The following NREP variants were observed in gnomAD, a reference collection of about 807,000 sequenced individuals.
The protein encoded by NREP is neuronal regeneration related protein.
Under a neutral mutation model 8.6 loss-of-function variants are expected in NREP, and 5 were observed. The observed-to-expected ratio is 0.58, with a 90% CI of 0.30 to 1.22. The LOEUF is 1.22. Ranked by LOEUF, NREP falls within the 50% of genes most tolerant of loss-of-function variation. The probability of loss-of-function intolerance (pLI) is 0.07; values close to 1 mark genes in which losing one functional copy is unlikely to be tolerated. For missense variants in NREP, 86 were observed against 82.5 expected (o/e 1.04, Z -0.17); for synonymous variants, 27 against 28.0 (o/e 0.96, Z 0.11).
At chr5:111,950,902 A>C (rs1482747239) in intron 2 of NREP, among the ~76,000 whole-genome samples, 1 of 152,094 alleles carries the variant, frequency 6.6e-6, no homozygotes, top group Non-Finnish European at 1.5e-5. Context: ...CCATTTGTGC[A>C]TCCTCCATGA....
rs79363725 is a variant in NREP at position 111,926,628 on chromosome 5, T to C, written c.135+48646A>G. Among the ~76,000 whole-genome samples the C allele has an allele frequency of 4.3e-3, 654 of 152,140 alleles. 2 individuals are homozygous for C. The highest frequency in any genetic ancestry group is 0.015 in the African/African-American group (619 of 41,542). On this transcript the variant is annotated intron_variant, in intron 2 of 3. Transcript: ENST00000395634. ...TGTAAGCCACTTTTTCTTCAGAGTC[T>C]TGGGGTCAAAGGACTTCCAGTGCTT...
At chr5:111,922,388 T>C (rs1017158544) in intron 2 of NREP, among the ~76,000 whole-genome samples, 1 of 152,106 alleles carries the variant, frequency 6.6e-6, no homozygotes, top group African/African-American at 2.4e-5. Context: ...TTTTATTGAT[T>C]AATACTGTTA....
chr5:111,897,779 A>T (rs1754545783), intron 2 of NREP, among the ~76,000 whole-genome samples: 1 of 152,162 alleles, frequency 6.6e-6, no homozygotes, highest in Non-Finnish European at 1.5e-5. Context: ...TGTACTAACA[A>T]AATTTTTTTA....
At chr5:111,769,505 A>G (rs1751166786) in intron 2 of NREP, among the ~76,000 whole-genome samples, 1 of 152,220 alleles carries the variant, frequency 6.6e-6, no homozygotes, top group Admixed American at 6.5e-5. Flanking sequence ...TTGAGCTAGG[A>G]CCTGAATAAG....
intron 2 of NREP, among the ~76,000 whole-genome samples, chr5:111,929,781 G>A (rs1406947031): frequency 1.3e-5 from 2 of 152,242 alleles, no homozygotes; most frequent in Middle Eastern, 3.4e-3. Context: ...TCTGAATGGT[G>A]AGAAACTGAC....
intron 2 of NREP, among the ~76,000 whole-genome samples, chr5:111,802,640 A>G (rs1752040947): frequency 6.6e-6 from 1 of 152,248 alleles, no homozygotes; most frequent in African/African-American, 2.4e-5. Flanking sequence ...AGTGCATCCC[A>G]TTATCTGAAT....
intron 1 of NREP, 137 bp from the exon 2 acceptor site, chr5:111,755,967 C>T: frequency 6.9e-7 from 1 of 1,442,546 alleles, no homozygotes. Flanking sequence ...TTGTTAACTA[C>T]TGGGATTTCT....
At chr5:111,945,294 T>A (rs1049985451) in intron 2 of NREP, among the ~76,000 whole-genome samples, 20 of 152,068 alleles carry the variant, frequency 1.3e-4, no homozygotes, top group Non-Finnish European at 8.8e-5. Flanking sequence ...ACTTTTTTTT[T>A]ATTATACTTT....
intron 2 of NREP, among the ~76,000 whole-genome samples, chr5:111,763,429 T>C (rs1182916820): frequency 6.6e-6 from 1 of 152,124 alleles, no homozygotes; most frequent in Non-Finnish European, 1.5e-5. Flanking sequence ...CTTTTGAAAA[T>C]TATGGTGCTT....
At chr5:111,901,200 G>A (rs1754638282) in intron 2 of NREP, among the ~76,000 whole-genome samples, 1 of 152,030 alleles carries the variant, frequency 6.6e-6, no homozygotes, top group Admixed American at 6.6e-5. Context: ...CACATTTATT[G>A]GTTTGCACAT....
chr5:111,885,508 G>A (rs981398028), intron 2 of NREP, among the ~76,000 whole-genome samples: 2 of 152,136 alleles, frequency 1.3e-5, no homozygotes, highest in Non-Finnish European at 1.5e-5. Context: ...AAAAGAGCCT[G>A]CATCACCAAG....
intron 2 of NREP, among the ~76,000 whole-genome samples, chr5:111,860,231 C>A (rs1753515136): frequency 1.3e-5 from 2 of 152,036 alleles, no homozygotes; most frequent in African/African-American, 2.4e-5. Flanking sequence ...TCTGTCTCCA[C>A]AAATGATACC....
rs1160604224 is a variant in NREP, at chr5:111,743,576, C to T, written c.4-8069G>A. Among the ~76,000 whole-genome samples the T allele has an allele frequency of 2.0e-5, 3 of 152,058 alleles. No individual in the cohort carries two copies. In the East Asian group the frequency reaches 5.8e-4, roughly 29 times the overall value. ...ATATTAAGAATTTAAAAAGAAAGAA[C>T]AAACTTGAATACTAATTCTATATTA... On this transcript the variant is annotated intron_variant, in intron 2 of 3. Coordinates refer to ENST00000257435, the MANE Select transcript of NREP (RefSeq NM_004772.4).
chr5:111,743,126 G>C (rs1013909050), intron 2 of NREP, among the ~76,000 whole-genome samples: 1 of 150,788 alleles, frequency 6.6e-6, no homozygotes. Context: ...AATCTTATAA[G>C]TAATATCTAA....
chr5:111,816,367 T>G (rs1414610622), intron 2 of NREP, among the ~76,000 whole-genome samples: 2 of 152,082 alleles, frequency 1.3e-5, no homozygotes, highest in Admixed American at 6.5e-5. Flanking sequence ...TATAAATGAA[T>G]ACGGATGTTT....
chr5:111,816,903 T>C (rs1202645411), intron 2 of NREP, among the ~76,000 whole-genome samples: 3 of 151,860 alleles, frequency 2.0e-5, no homozygotes, highest in East Asian at 3.9e-4. Context: ...AAAAGATAAA[T>C]TGTAAAAACG....
intron 2 of NREP, among the ~76,000 whole-genome samples, chr5:111,746,814 C>A (rs1750035806): frequency 6.6e-6 from 1 of 152,166 alleles, no homozygotes; most frequent in African/African-American, 2.4e-5. Flanking sequence ...TATGATTTAT[C>A]TATTCAAATT....
intron 2 of NREP, among the ~76,000 whole-genome samples, chr5:111,816,340 G>C (rs1386140036): frequency 6.6e-6 from 1 of 152,030 alleles, no homozygotes; most frequent in Admixed American, 6.6e-5. Flanking sequence ...TCCAGAAAGA[G>C]TAAATAAGAA....
At chr5:111,883,440 C>T (rs1157443011) in intron 2 of NREP, among the ~76,000 whole-genome samples, 2 of 152,076 alleles carry the variant, frequency 1.3e-5, no homozygotes, top group Non-Finnish European at 1.5e-5. Context: ...CAAGGATACC[C>T]AGGAATTGAA....
Sources: gnomAD v4.1 joint callset for allele counts (sites outside exome capture counted in the v4.1 genomes callset) on GRCh38, gnomAD v4.1.1 for gene constraint, MANE v1.5 for transcripts, NCBI Gene and HGNC (gene_info 2026-07-23, HGNC 2026-07-21) for gene names.